Variants in PRDM10 observed in about 807,000 individuals in gnomAD.
PRDM10 encodes PR/SET domain 10, also known as PR domain zinc finger protein 10.
In PRDM10, 65 loss-of-function variants were observed where a neutral mutation model predicts 133.1. The ratio of observed to expected loss-of-function variants is 0.49; its 90% confidence interval spans 0.40 to 0.60. The LOEUF (loss-of-function observed/expected upper bound fraction) is 0.60, where lower values mean the gene tolerates loss of function less well. Ranked by LOEUF, PRDM10 falls within the 20% of genes least tolerant of loss-of-function variation. The probability of loss-of-function intolerance (pLI) is 0.00; values close to 1 mark genes in which losing one functional copy is unlikely to be tolerated. For missense variants in PRDM10, 1,137 were observed against 1,507.1 expected (o/e 0.75, Z 4.07); for synonymous variants, 582 against 580.4 (o/e 1.00, Z -0.04).
intron 1 of PRDM10, among the ~76,000 whole-genome samples, chr11:129,967,611 A>G (rs1051267055): frequency 6.6e-6 from 1 of 152,192 alleles, no homozygotes; most frequent in African/African-American, 2.4e-5. Context: ...ATTTTTTAGT[A>G]CATGGCAAGC....
At chr11:129,985,558 G>A (rs932318148) in intron 1 of PRDM10, among the ~76,000 whole-genome samples, 1 of 151,756 alleles carries the variant, frequency 6.6e-6, no homozygotes. Context: ...TTGGGAGGCC[G>A]AAGTGGGAGG....
At position 129,947,752 on chromosome 11, in the gene PRDM10, G is replaced by T; in HGVS notation, c.295-382C>A. The T allele has an allele frequency of 2.6e-6, 1 of 382,552 alleles. No individual in the cohort carries two copies. The highest frequency in any genetic ancestry group is 4.9e-6 in the Non-Finnish European group (1 of 204,038). 23.7% of individuals were successfully genotyped at this position (382,552 alleles called of 1,614,324 possible). ...ACCTGGTCTCTTCCTGGCTCATTCA[G>T]CCGTTTCACACTGCTTGAGAGGCCT... is the stretch of plus-strand genomic sequence containing the variant. On this transcript the variant is annotated intron_variant, in intron 4 of 20. Transcript: ENST00000360871. This position sits in a 1 kb window ranked among gnomAD's most constrained non-coding sequence, Gnocchi z 4.6.
At chr11:129,984,001 C>T (rs1012859990) in intron 1 of PRDM10, among the ~76,000 whole-genome samples, 1 of 152,186 alleles carries the variant, frequency 6.6e-6, no homozygotes, top group Non-Finnish European at 1.5e-5. Context: ...TCAACACTGG[C>T]TCCCACGCCC....
chr11:129,931,581 T>A lies in PRDM10; in HGVS notation c.1288-323A>T, dbSNP rs557116945. Among the ~76,000 whole-genome samples, 10 of 149,030 alleles carry A rather than the reference T, an allele frequency of 6.7e-5. No homozygotes were observed. In the East Asian group the frequency reaches 7.7e-4, roughly 12 times the overall value. ...TTTTTATTTTATTTTATTTTATTTT[T>A]TTTTTGAGACGGAGTCTCGCTCTGT... On this transcript the variant is annotated intron_variant, in intron 10 of 20. Transcript: ENST00000360871.
intron 7 of PRDM10, among the ~76,000 whole-genome samples, chr11:129,939,163 G>T (rs1400034587): frequency 6.6e-6 from 1 of 152,164 alleles, no homozygotes; most frequent in African/African-American, 2.4e-5. Flanking sequence ...GTTATTATTT[G>T]CTTGTTTACA....
At chr11:129,983,009 T>C (rs1469478303) in intron 1 of PRDM10, among the ~76,000 whole-genome samples, 2 of 152,066 alleles carry the variant, frequency 1.3e-5, no homozygotes, top group Admixed American at 1.3e-4. Flanking sequence ...CAGTGTCTCA[T>C]TCTGTCGTCC....
chr11:129,963,382 G>A (rs866055640), intron 1 of PRDM10, among the ~76,000 whole-genome samples: 4 of 74,586 alleles, frequency 5.4e-5, no homozygotes, highest in Non-Finnish European at 5.0e-5. Context: ...AAAGAAAAAA[G>A]AGAGAAGAGA....
chr11:129,934,926 A>C (rs1398204094), intron 9 of PRDM10, among the ~76,000 whole-genome samples, 175 bp downstream of exon 9: 1 of 152,254 alleles, frequency 6.6e-6, no homozygotes, highest in Non-Finnish European at 1.5e-5. Context: ...GATGGATAAT[A>C]GTAAATGAGG....
intron 1 of PRDM10, among the ~76,000 whole-genome samples, chr11:129,978,413 G>C (rs1937908623): frequency 6.6e-6 from 1 of 152,214 alleles, no homozygotes; most frequent in Non-Finnish European, 1.5e-5. Flanking sequence ...ATGTGTTACA[G>C]TCTAAAACCT....
chr11:130,002,016 G>A (rs1010508282), intron 1 of PRDM10, among the ~76,000 whole-genome samples: 1 of 151,592 alleles, frequency 6.6e-6, no homozygotes, highest in Non-Finnish European at 1.5e-5. Context: ...CCCAGCCATC[G>A]ATGGCAAGTG....
Position 129,945,054 on chromosome 11 carries a change from AGT to A in PRDM10, c.521-44_521-43del. ...GTCTTGAAGAAAAGTCCAATTCCTC[AGT>A]GTGACTTGATGTGAGGTAAAAAATT... is the stretch of plus-strand genomic sequence containing the variant. On this transcript the variant is annotated intron_variant, in intron 5 of 20. Transcript: ENST00000360871. The surrounding 1 kb of genome is among the most constrained non-coding windows in gnomAD (Gnocchi z 4.2). 1 of 1,600,266 alleles carries A rather than the reference AGT, an allele frequency of 6.2e-7. No homozygotes were observed. The highest frequency in any genetic ancestry group is 8.5e-7 in the Non-Finnish European group (1 of 1,176,668).
intron 1 of PRDM10, among the ~76,000 whole-genome samples, chr11:129,995,016 T>C (rs1938972645): frequency 6.6e-6 from 1 of 152,224 alleles, no homozygotes; most frequent in African/African-American, 2.4e-5. Context: ...TACTATGACA[T>C]AATTTCATTT....
At chr11:129,991,817 C>CAA (rs71057994) in intron 1 of PRDM10, among the ~76,000 whole-genome samples, 7,513 of 94,090 alleles carry the variant, frequency 0.08, 411 homozygotes, top group East Asian at 0.3. Context: ...GACTCCATCT[C>CAA]AAAAAAAAAA....
In PRDM10 at chr11:129,900,087, G is replaced by C. The variant is rs1949803718; in HGVS notation, c.*2226C>G. ...CCAAAATACTCACACTGGACTGAAT[G>C]AAGTCTACAGTGTCAATGTGTCTTG... On this transcript the variant is annotated 3_prime_UTR_variant, in exon 21 of 21. Coordinates refer to ENST00000360871, the MANE Select transcript of PRDM10 (RefSeq NM_199437.2). 1 of 152,596 alleles carries C rather than the reference G, an allele frequency of 6.6e-6. No individual in the cohort carries two copies. The highest frequency in any genetic ancestry group is 1.5e-5 in the Non-Finnish European group (1 of 68,040). 9.5% of individuals were successfully genotyped at this position (152,596 alleles called of 1,614,324 possible).
chr11:129,981,245 C>T (rs192622443), intron 1 of PRDM10, among the ~76,000 whole-genome samples: 62 of 152,070 alleles, frequency 4.1e-4, no homozygotes, highest in African/African-American at 1.4e-3. Context: ...CCTATAAGTA[C>T]GCTAAAAAAA....
In PRDM10 at chr11:129,918,092, T is replaced by C. The variant is rs1273768296; in HGVS notation, c.2214+447A>G. On this transcript the variant is annotated intron_variant, in intron 14 of 20. Transcript: ENST00000360871. This position sits in a 1 kb window ranked among gnomAD's most constrained non-coding sequence, Gnocchi z 5.3. ...GTTGCAGTGAGCTGAGATCACGCCA[T>C]TTCACTCCAGCCTGGGCAACAGGAG... 6.6e-6 allele frequency among the ~76,000 whole-genome samples: 1 copy of C among 151,808 alleles called. No individual in the cohort carries two copies. The highest frequency in any genetic ancestry group is 2.4e-5 in the African/African-American group (1 of 41,306).
chr11:129,932,764 CT>C (rs957665920), intron 9 of PRDM10, among the ~76,000 whole-genome samples: 188 of 148,066 alleles, frequency 1.3e-3, no homozygotes, highest in African/African-American at 4.0e-3. Context: ...CTTTAATGGA[CT>C]TTTTTTTTTT....
intron 2 of PRDM10, among the ~76,000 whole-genome samples, chr11:129,958,620 G>A (rs1410124395): frequency 6.6e-6 from 1 of 152,122 alleles, no homozygotes; most frequent in African/African-American, 2.4e-5. Flanking sequence ...CTCCAGCCTG[G>A]GTGAGAAGAG....
rs11461594 is a variant in PRDM10, at chr11:129,998,819, C to CTT, written c.-119+3901_-119+3902dup. Among the ~76,000 whole-genome samples, 356 of 136,126 alleles carry CTT rather than the reference C, an allele frequency of 2.6e-3. 1 individual carries two copies. The highest frequency in any genetic ancestry group is 8.5e-3 in the African/African-American group (312 of 36,538). The allele number at this position is 136,126 out of a possible 152,430, so 89.3% of individuals were successfully genotyped here. On this transcript the variant is annotated intron_variant, in intron 1 of 20. Coordinates refer to ENST00000360871, the MANE Select transcript of PRDM10 (RefSeq NM_199437.2). Reference sequence around the variant, plus strand: ...TTGAAATGGTGAAATGGTGTAATAACTTTTTTTTTTTTTTTTTTTGGAGAC... The same window carrying CTT: ...TTGAAATGGTGAAATGGTGTAATAACTTTTTTTTTTTTTTTTTTTTTGGAGAC...
Sources: gnomAD v4.1 joint callset for allele counts (sites outside exome capture counted in the v4.1 genomes callset) on GRCh38, gnomAD v4.1.1 for gene constraint, Gnocchi (gnomAD v3.1) non-coding constraint, MANE v1.5 for transcripts, NCBI Gene and HGNC (gene_info 2026-07-23, HGNC 2026-07-21) for gene names.